The following ZMIZ1 variants were observed in gnomAD, a reference collection of about 807,000 sequenced individuals.
ZMIZ1 encodes zinc finger MIZ domain-containing protein 1.
Under a neutral mutation model 113.9 loss-of-function variants are expected in ZMIZ1, and 17 were observed. The observed-to-expected ratio is 0.15, with a 90% confidence interval of 0.10 to 0.22. The LOEUF (loss-of-function observed/expected upper bound fraction) is 0.22, where lower values mean the gene tolerates loss of function less well. ZMIZ1 is among the 10% of genes least tolerant of loss of function. The probability of loss-of-function intolerance (pLI) is 1.00; values close to 1 mark genes in which losing one functional copy is unlikely to be tolerated. For synonymous variants in ZMIZ1, 607 were observed against 603.1 expected (o/e 1.01, Z -0.09); for missense variants, 1,059 against 1,477.8 (o/e 0.72, Z 4.65).
At chr10:79,082,035 A>G (rs1842677110) in intron 1 of ZMIZ1, among the ~76,000 whole-genome samples, 1 of 152,240 alleles carries the variant, frequency 6.6e-6, no homozygotes, top group Admixed American at 6.5e-5. Flanking sequence ...CCATCTAGCC[A>G]GTGCCCAGCC....
rs1400090682 is a variant in ZMIZ1, at chr10:79,296,591, C to A, written c.1351C>A (p.Pro451Thr). 7 of 1,611,956 alleles carry A rather than the reference C, an allele frequency of 4.3e-6. No homozygotes were observed. Among genetic ancestry groups the A allele is most frequent in the Non-Finnish European group, 5.9e-6 (7 of 1,178,900 alleles). Residue 451 changes from proline (P) to threonine (T), a missense_variant, in exon 13 of 25, where the codon CCC (proline) becomes ACC (threonine). This residue lies in a region of ZMIZ1 where 239 missense variants were observed against 247.5 expected (regional missense o/e 0.97). Transcript: ENST00000334512. This position sits in a 1 kb window ranked among gnomAD's most constrained non-coding sequence, Gnocchi z 4.1. Reference protein sequence around the residue: ...TSPNYPGQRMPSQPSSGQYPP... With the variant: ...TSPNYPGQRMTSQPSSGQYPP... ...CCCCAACTACCCAGGACAGAGGATGCCCAGCCAGCCGAGCTCCGGGCAGTA... is the reference window on the plus strand; with the variant it reads ...CCCCAACTACCCAGGACAGAGGATGACCAGCCAGCCGAGCTCCGGGCAGTA...
Position 79,290,977 on chromosome 10 carries a change from G to A in ZMIZ1, c.559G>A (p.Ala187Thr). ...SQSQVLGNPM[A>T]NANNPMNPGG... ...CCCACAGGTCCTTGGGAACCCTATG[G>A]CCAATGCCAACAACCCCATGAATCC... Residue 187 changes from alanine (A) to threonine (T), a missense_variant, in exon 10 of 25, where the codon GCC becomes ACC. Ala to Thr is a moderately conservative substitution (Grantham distance 58). This residue lies in a region of ZMIZ1 where 272 missense variants were observed against 350.4 expected (regional missense o/e 0.78). Transcript: ENST00000334512. 5 of 1,613,974 alleles carry A rather than the reference G, an allele frequency of 3.1e-6. No homozygotes were observed. The highest frequency in any genetic ancestry group is 4.2e-6 in the Non-Finnish European group (5 of 1,179,934).
rs1329890285 is a variant in ZMIZ1, at chr10:79,296,778, T to C, written c.1413+125T>C. On this transcript the variant is annotated intron_variant, in intron 13 of 24. Coordinates refer to ENST00000334512, the MANE Select transcript of ZMIZ1 (RefSeq NM_020338.4). This position sits in a 1 kb window ranked among gnomAD's most constrained non-coding sequence, Gnocchi z 4.1. ...CCCAAGGACAGCGAGGGGTGGGTGATTTCTGAACGTCCCCATGTGTTCAGG... is the reference window on the plus strand; with the variant it reads ...CCCAAGGACAGCGAGGGGTGGGTGACTTCTGAACGTCCCCATGTGTTCAGG... 2.1e-6 allele frequency: 2 copies of C among 953,792 alleles called. No homozygotes were observed. The highest frequency in any genetic ancestry group is 1.5e-6 in the Non-Finnish European group (1 of 670,334). 59.1% of individuals were successfully genotyped at this position (953,792 alleles called of 1,614,324 possible).
intron 7 of ZMIZ1, among the ~76,000 whole-genome samples, chr10:79,251,070 T>G (rs1236851866): frequency 6.6e-6 from 1 of 151,874 alleles, no homozygotes; most frequent in Non-Finnish European, 1.5e-5. Flanking sequence ...ATCGAGGAGG[T>G]GAAGACTGGG....
At chr10:79,161,149 C>G (rs1846102491) in intron 3 of ZMIZ1, among the ~76,000 whole-genome samples, 1 of 152,206 alleles carries the variant, frequency 6.6e-6, no homozygotes, top group Admixed American at 6.5e-5. Context: ...AGTGCACCCG[C>G]AGGCCCTGCA....
chr10:79,124,013 C>T (rs1844413071), intron 2 of ZMIZ1, among the ~76,000 whole-genome samples: 1 of 152,256 alleles, frequency 6.6e-6, no homozygotes, highest in African/African-American at 2.4e-5. Context: ...CCTCTGCAGC[C>T]TGCTATGACT....
chr10:79,267,074 C>G (rs1216053664), intron 7 of ZMIZ1, among the ~76,000 whole-genome samples: 1 of 152,262 alleles, frequency 6.6e-6, no homozygotes, highest in African/African-American at 2.4e-5. Flanking sequence ...CCCACACACT[C>G]CAGAGGAGGA....
chr10:79,074,997 T>C (rs928704143), intron 1 of ZMIZ1, among the ~76,000 whole-genome samples: 2 of 152,240 alleles, frequency 1.3e-5, no homozygotes, highest in Non-Finnish European at 2.9e-5. Context: ...TAGATTTCAA[T>C]GCTCCCCTAA....
rs373832826 is a variant in ZMIZ1 at position 79,156,366 on chromosome 10, C to A, written c.-130-5687C>A. On this transcript the variant is annotated intron_variant, in intron 3 of 24. Coordinates refer to ENST00000334512, the MANE Select transcript of ZMIZ1 (RefSeq NM_020338.4). ...CATGTCCTCTGGCCACAGGAACTTCCCACACATGGAGGCGTCCTGAGGGCC... is the reference window on the plus strand; with the variant it reads ...CATGTCCTCTGGCCACAGGAACTTCACACACATGGAGGCGTCCTGAGGGCC... Among the ~76,000 whole-genome samples, 3 of 152,210 alleles carry A rather than the reference C, an allele frequency of 2.0e-5. No individual in the cohort carries two copies. The East Asian group carries it at 5.8e-4, about 29-fold the overall frequency.
intron 3 of ZMIZ1, among the ~76,000 whole-genome samples, chr10:79,153,754 C>T (rs1018698918): frequency 2.6e-5 from 4 of 152,242 alleles, no homozygotes; most frequent in Admixed American, 6.5e-5. Context: ...GCTTGTGAGC[C>T]GGCCAGGATT....
chr10:79,164,623 C>G (rs2132504998), intron 4 of ZMIZ1, among the ~76,000 whole-genome samples: 1 of 152,282 alleles, frequency 6.6e-6, no homozygotes, highest in East Asian at 1.9e-4. Flanking sequence ...GACCTCAGGC[C>G]CCTTAGTGGC....
intron 3 of ZMIZ1, among the ~76,000 whole-genome samples, chr10:79,148,111 T>C (rs1190302030): frequency 6.6e-6 from 1 of 152,204 alleles, no homozygotes; most frequent in Non-Finnish European, 1.5e-5. Context: ...TGTGTCTGTT[T>C]GTCCACCTCC....
At chr10:79,152,647 C>T (rs981949247) in intron 3 of ZMIZ1, among the ~76,000 whole-genome samples, 1 of 152,246 alleles carries the variant, frequency 6.6e-6, no homozygotes, top group South Asian at 2.1e-4. Flanking sequence ...CCCCAGGCAG[C>T]ACTGTGGGCT....
intron 1 of ZMIZ1, among the ~76,000 whole-genome samples, chr10:79,104,501 C>T (rs373980928): frequency 5.3e-5 from 8 of 152,306 alleles, no homozygotes; most frequent in African/African-American, 1.2e-4. Flanking sequence ...GTACAATAGA[C>T]GTCACTGAGC....
chr10:79,162,277 T>C (rs1279603835), intron 4 of ZMIZ1, 144 bp downstream of exon 4: 1 of 396,684 alleles, frequency 2.5e-6, no homozygotes, highest in South Asian at 1.4e-4. Context: ...CCACCTTTGC[T>C]GGGACCTCAT....
chr10:79,097,546 A>G (rs1843213559), intron 1 of ZMIZ1, among the ~76,000 whole-genome samples: 1 of 152,232 alleles, frequency 6.6e-6, no homozygotes, highest in African/African-American at 2.4e-5. Context: ...AACTCGAGAT[A>G]ATAATAAAAT....
At chr10:79,238,537 T>C (rs1849688119) in intron 7 of ZMIZ1, among the ~76,000 whole-genome samples, 1 of 152,106 alleles carries the variant, frequency 6.6e-6, no homozygotes, top group African/African-American at 2.4e-5. Context: ...AGAAACACAA[T>C]GAAGCAAGAA....
intron 1 of ZMIZ1, among the ~76,000 whole-genome samples, chr10:79,071,046 C>CTCTG (rs1332054165): frequency 6.6e-6 from 1 of 152,186 alleles, no homozygotes; most frequent in Non-Finnish European, 1.5e-5. Context: ...CTCCTCTCTG[C>CTCTG]TCTGCCACGG....
In ZMIZ1 at chr10:79,198,309, G is replaced by A. The variant is rs574972429; in HGVS notation, c.-49-3275G>A. Reference sequence around the variant, plus strand: ...TTGGAGAGAAGAAGCATGTACAGATGAGCAAGTGGAGACTAAAGATGTTTG... The same window carrying A: ...TTGGAGAGAAGAAGCATGTACAGATAAGCAAGTGGAGACTAAAGATGTTTG... On this transcript the variant is annotated intron_variant, in intron 4 of 24. Transcript: ENST00000334512. Among the ~76,000 whole-genome samples, 9 of 152,292 alleles carry A rather than the reference G, an allele frequency of 5.9e-5. No homozygotes were observed. The South Asian group carries it at 1.9e-3, about 32-fold the overall frequency.
Sources: gnomAD v4.1 joint callset for allele counts (sites outside exome capture counted in the v4.1 genomes callset) on GRCh38, gnomAD v4.1.1 for gene constraint, gnomAD v4.1.1 regional missense constraint, Gnocchi (gnomAD v3.1) non-coding constraint, MANE v1.5 for transcripts, NCBI Gene and HGNC (gene_info 2026-07-23, HGNC 2026-07-21) for gene names.